NPAS3: variants seen among roughly 807,000 people sequenced by gnomAD.
The protein encoded by NPAS3 is neuronal PAS domain-containing protein 3.
Under a neutral mutation model 73.1 loss-of-function variants are expected in NPAS3, and 14 were observed. The observed-to-expected ratio is 0.19, with a 90% CI of 0.13 to 0.30. The LOEUF (loss-of-function observed/expected upper bound fraction) is 0.30. NPAS3 is among the 10% of genes least tolerant of loss of function. NPAS3 has a pLI of 1.00. For synonymous variants in NPAS3, 620 were observed against 541.5 expected, an observed-to-expected ratio of 1.14 and a Z score of -2.01; for missense variants, 1,096 against 1,250.0, an observed-to-expected ratio of 0.88 and a Z score of 1.86.
intron 4 of NPAS3, among the ~76,000 whole-genome samples, chr14:33,373,475 T>A (rs1365706515): frequency 6.6e-6 from 1 of 151,878 alleles, no homozygotes; most frequent in South Asian, 2.1e-4. Context: ...TACTTATAAT[T>A]GAAAGATAGT....
chr14:33,354,133 G>A (rs1174785448), intron 3 of NPAS3, among the ~76,000 whole-genome samples: 1 of 152,068 alleles, frequency 6.6e-6, no homozygotes, highest in Non-Finnish European at 1.5e-5. Flanking sequence ...GCTTTTGCTT[G>A]CCGCTGCTTC....
At chr14:33,223,832 A>C (rs2139726421) in intron 3 of NPAS3, among the ~76,000 whole-genome samples, 1 of 130,542 alleles carries the variant, frequency 7.7e-6, no homozygotes, top group South Asian at 2.5e-4. Context: ...TCAAAAATGT[A>C]TGGCAAAAAA....
chr14:33,521,126 G>A (rs531690168), intron 4 of NPAS3, among the ~76,000 whole-genome samples: 8 of 152,030 alleles, frequency 5.3e-5, no homozygotes, highest in African/African-American at 1.7e-4. Context: ...TTATATTTGT[G>A]TCTATTAAGT....
chr14:33,794,461 G>A (rs1392005949), intron 10 of NPAS3, among the ~76,000 whole-genome samples: 1 of 152,298 alleles, frequency 6.6e-6, no homozygotes, highest in East Asian at 1.9e-4. Context: ...GAGAAAAGTG[G>A]CAGGGAACAT....
At chr14:33,085,111 C>T (rs1184785188) in intron 2 of NPAS3, among the ~76,000 whole-genome samples, 1 of 152,170 alleles carries the variant, frequency 6.6e-6, no homozygotes, top group Non-Finnish European at 1.5e-5. Flanking sequence ...TTCCTTCTCC[C>T]TTACCTGCTT....
At chr14:33,799,044 C>T (rs1300681280) in intron 11 of NPAS3, among the ~76,000 whole-genome samples, 3 of 150,612 alleles carry the variant, frequency 2.0e-5, no homozygotes, top group African/African-American at 7.3e-5. Context: ...ACTCGGGAGG[C>T]TGAGGCAGAA....
chr14:33,735,428 T>C (rs67458622), intron 7 of NPAS3, 96 bp downstream of exon 7: 57,641 of 851,232 alleles, frequency 0.068, 6,519 homozygotes, highest in African/African-American at 0.43. Flanking sequence ...ATATAATGAA[T>C]ACATGTGATC....
At chr14:33,077,273 A>AT (rs1419338161) in intron 2 of NPAS3, among the ~76,000 whole-genome samples, 1 of 152,150 alleles carries the variant, frequency 6.6e-6, no homozygotes, top group Admixed American at 6.5e-5. Flanking sequence ...AAGGGTGACA[A>AT]TGAGCATAGT....
At chr14:33,374,712 G>GA (rs1324299455) in intron 4 of NPAS3, among the ~76,000 whole-genome samples, 1 of 148,038 alleles carries the variant, frequency 6.8e-6, no homozygotes, top group African/African-American at 2.5e-5. Flanking sequence ...GGCGGGGGGG[G>GA]GAGTAGAGAA....
intron 5 of NPAS3, among the ~76,000 whole-genome samples, chr14:33,593,526 T>C (rs1024406829): frequency 2.0e-5 from 3 of 152,170 alleles, no homozygotes; most frequent in African/African-American, 7.2e-5. Flanking sequence ...CCAGTGCGCA[T>C]TTGGGGGAAA....
chr14:33,059,707 T>A (rs2041025525), intron 2 of NPAS3, among the ~76,000 whole-genome samples: 1 of 152,244 alleles, frequency 6.6e-6, no homozygotes, highest in African/African-American at 2.4e-5. Context: ...ATTAAAACAG[T>A]TGTCAATCTT....
intron 6 of NPAS3, among the ~76,000 whole-genome samples, chr14:33,700,248 C>T (rs1179194569): frequency 1.3e-5 from 2 of 152,170 alleles, no homozygotes; most frequent in African/African-American, 4.8e-5. Context: ...GATGATAATG[C>T]TCTGTCTACC....
chr14:33,592,477 G>A (rs1276325557), intron 5 of NPAS3, among the ~76,000 whole-genome samples: 1 of 152,176 alleles, frequency 6.6e-6, no homozygotes, highest in African/African-American at 2.4e-5. Flanking sequence ...GGAGTTCGGA[G>A]GAGGCAAAGA....
intron 3 of NPAS3, among the ~76,000 whole-genome samples, chr14:33,249,913 C>A (rs1034456712): frequency 6.6e-6 from 1 of 151,362 alleles, no homozygotes; most frequent in Non-Finnish European, 1.5e-5. Flanking sequence ...GTCATACACA[C>A]ACACACACAC....
chr14:33,249,349 C>T (rs1037366820), intron 3 of NPAS3, among the ~76,000 whole-genome samples: 1 of 7,074 alleles, frequency 1.4e-4, no homozygotes, highest in Non-Finnish European at 3.3e-4. Flanking sequence ...GTCCCCCCCA[C>T]CTTTTTTTTT....
rs113344644 is a variant in NPAS3 at position 33,330,779 on chromosome 14, C to T, written c.386-36407C>T. On this transcript the variant is annotated intron_variant, in intron 3 of 11. Transcript: ENST00000356141. ...TAGATTTTTATGGAAAGCATTAATT[C>T]AAAGAGTCTGTTTTTCTTGGATTTA... is the stretch of plus-strand genomic sequence containing the variant. Among the ~76,000 whole-genome samples the T allele has an allele frequency of 2.2e-3, 338 of 152,208 alleles. 2 individuals are homozygous for T. Among genetic ancestry groups the T allele is most frequent in the African/African-American group, 7.5e-3 (310 of 41,538 alleles).
At chr14:33,191,721 G>T (rs1308333596) in intron 2 of NPAS3, among the ~76,000 whole-genome samples, 1 of 152,192 alleles carries the variant, frequency 6.6e-6, no homozygotes, top group African/African-American at 2.4e-5. Flanking sequence ...TTATTCTTAG[G>T]AAGGCTTCAA....
chr14:33,033,811 T>C (rs1045636822), intron 1 of NPAS3, among the ~76,000 whole-genome samples: 10 of 152,338 alleles, frequency 6.6e-5, no homozygotes, highest in African/African-American at 2.4e-4. Context: ...GACATTCCTT[T>C]AGTGTGTTAA....
At chr14:33,668,795 G>A (rs1394060747) in intron 5 of NPAS3, among the ~76,000 whole-genome samples, 1 of 152,102 alleles carries the variant, frequency 6.6e-6, no homozygotes, top group Non-Finnish European at 1.5e-5. Context: ...CTCCAACCTG[G>A]GTGACAGGGC....
Sources: gnomAD v4.1 joint callset for allele counts (sites outside exome capture counted in the v4.1 genomes callset) on GRCh38, gnomAD v4.1.1 for gene constraint, MANE v1.5 for transcripts, NCBI Gene and HGNC (gene_info 2026-07-23, HGNC 2026-07-21) for gene names.